RABGAP1L: variants seen among roughly 807,000 people sequenced by gnomAD.
RABGAP1L encodes RAB GTPase activating protein 1 like.
Under a neutral mutation model 137.7 loss-of-function variants are expected in RABGAP1L, and 63 were observed. That is an observed-to-expected ratio of 0.46 (90% confidence interval 0.37 to 0.56). RABGAP1L has a LOEUF of 0.56. Among genes scored for constraint, RABGAP1L ranks in the 20% least tolerant of loss-of-function variants. The pLI, the probability that RABGAP1L is intolerant of heterozygous loss-of-function variation, is 0.00. For missense variants in RABGAP1L, 1,095 were observed against 1,244.0 expected (o/e 0.88, Z 1.80); for synonymous variants, 431 against 433.7 (o/e 0.99, Z 0.08).
chr1:174,821,308 C>T (rs1690999364), intron 19 of RABGAP1L, among the ~76,000 whole-genome samples: 1 of 152,180 alleles, frequency 6.6e-6, no homozygotes, highest in East Asian at 1.9e-4. Context: ...CATCTTCTCA[C>T]ACACCAAAAT....
intron 17 of RABGAP1L, among the ~76,000 whole-genome samples, chr1:174,741,711 A>G (rs1683419435): frequency 6.6e-6 from 1 of 151,502 alleles, no homozygotes; most frequent in African/African-American, 2.4e-5. Context: ...GGCTGTAACT[A>G]TGTGTCTTTA....
chr1:174,167,784 A>G (rs1329917552), intron 1 of RABGAP1L, among the ~76,000 whole-genome samples: 2 of 152,220 alleles, frequency 1.3e-5, no homozygotes, highest in African/African-American at 4.8e-5. Context: ...GTTTTGAGTT[A>G]TGAAGGTTTA....
chr1:174,965,824 G>A (rs890446313), intron 20 of RABGAP1L, among the ~76,000 whole-genome samples: 2 of 152,202 alleles, frequency 1.3e-5, no homozygotes, highest in African/African-American at 4.8e-5. Context: ...AAGCCAGTAG[G>A]CGTGCCCTCT....
At chr1:174,314,305 G>A (rs188938025) in intron 11 of RABGAP1L, among the ~76,000 whole-genome samples, 60 of 152,190 alleles carry the variant, frequency 3.9e-4, no homozygotes, top group Admixed American at 1.2e-3. Context: ...ATACAGTTGC[G>A]CATAGTAACC....
chr1:174,537,712 C>T (rs1664999643), intron 13 of RABGAP1L, among the ~76,000 whole-genome samples: 1 of 152,126 alleles, frequency 6.6e-6, no homozygotes, highest in African/African-American at 2.4e-5. Context: ...TGTGAATTTT[C>T]CATATTTTTC....
chr1:174,359,281 A>G (rs933268707), intron 11 of RABGAP1L, among the ~76,000 whole-genome samples: 3 of 151,268 alleles, frequency 2.0e-5, no homozygotes, highest in African/African-American at 7.3e-5. Context: ...TATTCATCCT[A>G]TCTAGAAACT....
intron 13 of RABGAP1L, among the ~76,000 whole-genome samples, chr1:174,574,285 G>A (rs562737878): frequency 1.6e-4 from 25 of 152,238 alleles, no homozygotes; most frequent in African/African-American, 5.5e-4. Context: ...ACTGATATGT[G>A]TAAAAGAAAG....
At chr1:174,342,404 A>T (rs1375186368) in intron 11 of RABGAP1L, among the ~76,000 whole-genome samples, 1 of 152,152 alleles carries the variant, frequency 6.6e-6, no homozygotes, top group African/African-American at 2.4e-5. Context: ...TCCCAAGCAC[A>T]TGAATTAGCT....
At chr1:174,778,032 A>G (rs1686669811) in intron 18 of RABGAP1L, among the ~76,000 whole-genome samples, 1 of 152,142 alleles carries the variant, frequency 6.6e-6, no homozygotes, top group Non-Finnish European at 1.5e-5. Context: ...ATTTTTCCAA[A>G]TTTGATGAAA....
At chr1:174,712,338 C>T (rs1680610116) in intron 17 of RABGAP1L, among the ~76,000 whole-genome samples, 1 of 152,192 alleles carries the variant, frequency 6.6e-6, no homozygotes, top group Non-Finnish European at 1.5e-5. Flanking sequence ...CTGTAAGACT[C>T]ACTGCGAAGG....
At chr1:174,640,911 C>CT (rs974371695) in intron 14 of RABGAP1L, among the ~76,000 whole-genome samples, 9 of 145,044 alleles carry the variant, frequency 6.2e-5, no homozygotes, top group African/African-American at 1.0e-4. Flanking sequence ...AATTGTAGGC[C>CT]TTTTTTTTTA....
chr1:174,343,388 A>T, intron 11 of RABGAP1L, among the ~76,000 whole-genome samples: 1 of 152,210 alleles, frequency 6.6e-6, no homozygotes, highest in Middle Eastern at 3.2e-3. Context: ...TTGCAAATAT[A>T]TGCCCTTTCC....
At chr1:174,406,637 T>C (rs1230087620) in intron 13 of RABGAP1L, among the ~76,000 whole-genome samples, 1 of 151,326 alleles carries the variant, frequency 6.6e-6, no homozygotes, top group African/African-American at 2.5e-5. Flanking sequence ...CTTTAATCAG[T>C]AATAAAATCA....
At position 174,853,624 on chromosome 1, in the gene RABGAP1L, G is replaced by A. The variant is rs532226230; in HGVS notation, c.2340+41664G>A. Among the ~76,000 whole-genome samples the A allele has an allele frequency of 1.2e-4, 19 of 152,164 alleles. No homozygotes were observed. The South Asian group carries it at 1.5e-3, about 12-fold the overall frequency. Reference sequence around the variant, plus strand: ...CGCACACCTGTAGTCCCAGCTACTCGGGAGGCTGAGACAGGAGAATTGCTT... The same window carrying A: ...CGCACACCTGTAGTCCCAGCTACTCAGGAGGCTGAGACAGGAGAATTGCTT... On this transcript the variant is annotated intron_variant, in intron 19 of 25. Coordinates refer to ENST00000681986, the MANE Select transcript of RABGAP1L (RefSeq NM_001366446.1).
At chr1:174,166,029 T>C (rs770699706) in intron 1 of RABGAP1L, among the ~76,000 whole-genome samples, 2 of 152,206 alleles carry the variant, frequency 1.3e-5, no homozygotes, top group Non-Finnish European at 2.9e-5. Flanking sequence ...TCTTTCATTT[T>C]TGACTCTGGA....
intron 13 of RABGAP1L, among the ~76,000 whole-genome samples, chr1:174,535,283 A>G (rs1003104383): frequency 7.9e-5 from 12 of 152,166 alleles, no homozygotes; most frequent in Admixed American, 6.5e-4. Context: ...TCAGAATTTC[A>G]TGATGGTCTA....
At chr1:174,384,075 T>C (rs551888026) in intron 12 of RABGAP1L, among the ~76,000 whole-genome samples, 100 of 152,154 alleles carry the variant, frequency 6.6e-4, no homozygotes, top group Non-Finnish European at 1.2e-3. Context: ...GTATATTCAT[T>C]GTATGGAATG....
rs187126098 is a variant in RABGAP1L at position 174,646,604 on chromosome 1, G to A, written c.1824+9116G>A. Reference sequence around the variant, plus strand: ...TTGATACCAGTACCATGCTGTTTTCGTTACTGTAGCCTTGTATTATAGTTT... The same window carrying A: ...TTGATACCAGTACCATGCTGTTTTCATTACTGTAGCCTTGTATTATAGTTT... On this transcript the variant is annotated intron_variant, in intron 14 of 25. Coordinates refer to ENST00000681986, the MANE Select transcript of RABGAP1L (RefSeq NM_001366446.1). Among the ~76,000 whole-genome samples the A allele has an allele frequency of 6.2e-4, 95 of 152,164 alleles. No individual in the cohort carries two copies. The South Asian group carries it at 0.014, about 23-fold the overall frequency.
At chr1:174,219,658 T>TC (rs1402706497) in intron 2 of RABGAP1L, among the ~76,000 whole-genome samples, 1 of 152,236 alleles carries the variant, frequency 6.6e-6, no homozygotes, top group Non-Finnish European at 1.5e-5. Context: ...GAGACTTTTT[T>TC]CTTTATGATT....
Sources: allele counts gnomAD v4.1 joint callset (sites outside exome capture counted in the v4.1 genomes callset), GRCh38; gene constraint gnomAD v4.1.1; transcripts MANE v1.5; gene names NCBI Gene and HGNC (gene_info 2026-07-23, HGNC 2026-07-21).